Variants in SOX6 observed in about 807,000 individuals in gnomAD.
The protein encoded by SOX6 is transcription factor SOX-6.
Under a neutral mutation model 97.8 loss-of-function variants are expected in SOX6, and 11 were observed. The observed-to-expected ratio is 0.11, with a 90% CI of 0.07 to 0.19. The LOEUF (loss-of-function observed/expected upper bound fraction) is 0.19, where lower values mean the gene tolerates loss of function less well. Among genes scored for constraint, SOX6 ranks in the 10% least tolerant of loss-of-function variants. The pLI is 1.00. For synonymous variants in SOX6, 360 were observed against 371.4 expected (o/e 0.97, Z 0.35); for missense variants, 810 against 1,039.5 (o/e 0.78, Z 3.04).
At chr11:16,024,535 T>C (rs1855163227) in intron 12 of SOX6, among the ~76,000 whole-genome samples, 1 of 151,474 alleles carries the variant, frequency 6.6e-6, no homozygotes. Context: ...TCTATGATTC[T>C]TCAAAAGTTG....
chr11:16,537,401 C>T (rs922702149), intron 4 of SOX6, among the ~76,000 whole-genome samples: 9 of 152,002 alleles, frequency 5.9e-5, no homozygotes, highest in Non-Finnish European at 1.3e-4. Flanking sequence ...ACTCCAAAAA[C>T]CAGAGCACTT....
At chr11:15,978,805 C>A (rs1398758269) in intron 15 of SOX6, among the ~76,000 whole-genome samples, 3 of 131,564 alleles carry the variant, frequency 2.3e-5, no homozygotes, top group Admixed American at 7.9e-5. Context: ...AAATATATAT[C>A]TATATATAAT....
intron 2 of SOX6, among the ~76,000 whole-genome samples, chr11:16,717,034 T>C (rs1446067783): frequency 6.6e-6 from 1 of 152,150 alleles, no homozygotes; most frequent in Admixed American, 6.5e-5. Flanking sequence ...TATACTTTTC[T>C]GTATGTCTAT....
chr11:16,189,161 G>A (rs1450895497), intron 4 of SOX6, among the ~76,000 whole-genome samples: 1 of 152,174 alleles, frequency 6.6e-6, no homozygotes, highest in African/African-American at 2.4e-5. Flanking sequence ...TAAGACAAAT[G>A]TTCTGTGGGA....
At chr11:16,518,117 C>G (rs893956786) in intron 4 of SOX6, among the ~76,000 whole-genome samples, 33 of 152,170 alleles carry the variant, frequency 2.2e-4, no homozygotes, top group Non-Finnish European at 4.1e-4. Flanking sequence ...ACACATAAAG[C>G]CTGAAATCTT....
chr11:16,694,460 C>A (rs1848038309), intron 3 of SOX6, among the ~76,000 whole-genome samples: 1 of 152,042 alleles, frequency 6.6e-6, no homozygotes, highest in Non-Finnish European at 1.5e-5. Flanking sequence ...GAGTTTGAGG[C>A]TACAGTGAGC....
chr11:16,307,423 C>A (rs10219384), intron 3 of SOX6, among the ~76,000 whole-genome samples: 1 of 152,028 alleles, frequency 6.6e-6, no homozygotes, highest in Admixed American at 6.6e-5. Flanking sequence ...GGACTATGTA[C>A]ATTGGGCACA....
intron 3 of SOX6, among the ~76,000 whole-genome samples, chr11:16,251,790 G>C (rs1853520099): frequency 6.6e-6 from 1 of 152,004 alleles, no homozygotes; most frequent in African/African-American, 2.4e-5. Context: ...CATAATCATA[G>C]ATGCAAAAAT....
intron 3 of SOX6, among the ~76,000 whole-genome samples, chr11:16,669,391 C>G (rs879051068): frequency 2.6e-5 from 4 of 152,216 alleles, no homozygotes; most frequent in Non-Finnish European, 4.4e-5. Context: ...GAACCTCCCC[C>G]ACCCAGGGAA....
At chr11:16,092,567 C>T (rs1848715340) in intron 9 of SOX6, among the ~76,000 whole-genome samples, 1 of 152,006 alleles carries the variant, frequency 6.6e-6, no homozygotes, top group African/African-American at 2.4e-5. Flanking sequence ...TAAAATAATA[C>T]ATTACCAATA....
chr11:16,717,940 T>C (rs540064141), intron 2 of SOX6, among the ~76,000 whole-genome samples: 1 of 145,244 alleles, frequency 6.9e-6, no homozygotes, highest in South Asian at 2.3e-4. Flanking sequence ...ATAACTGTTC[T>C]TTTCCTGTTT....
intron 9 of SOX6, among the ~76,000 whole-genome samples, chr11:16,086,507 T>C (rs555441423): frequency 6.6e-6 from 1 of 152,318 alleles, no homozygotes; most frequent in East Asian, 1.9e-4. Context: ...CAGCTCCTAA[T>C]GCAGCAGGCG....
chr11:16,370,405 T>C (rs539747471), intron 1 of SOX6, among the ~76,000 whole-genome samples: 2 of 152,174 alleles, frequency 1.3e-5, no homozygotes, highest in African/African-American at 2.4e-5. Context: ...GACCAAAAGA[T>C]TGACAGCAGA....
At chr11:16,092,487 G>T (rs1848713825) in intron 9 of SOX6, among the ~76,000 whole-genome samples, 1 of 151,864 alleles carries the variant, frequency 6.6e-6, no homozygotes. Flanking sequence ...CTTCAATAAA[G>T]TGATTTTTAA....
At chr11:16,597,014 A>G (rs181596494) in intron 4 of SOX6, among the ~76,000 whole-genome samples, 7 of 152,284 alleles carry the variant, frequency 4.6e-5, no homozygotes, top group Admixed American at 6.5e-5. Flanking sequence ...AGCCAGTTCT[A>G]ACTTATGACA....
intron 3 of SOX6, among the ~76,000 whole-genome samples, chr11:16,279,517 T>C (rs998713237): frequency 6.6e-6 from 1 of 152,116 alleles, no homozygotes; most frequent in Non-Finnish European, 1.5e-5. Context: ...TGTTGCAGCA[T>C]GTATTTGAAT....
intron 3 of SOX6, among the ~76,000 whole-genome samples, chr11:16,296,841 A>G (rs1046376488): frequency 2.6e-5 from 4 of 152,068 alleles, no homozygotes; most frequent in African/African-American, 4.8e-5. Flanking sequence ...ATTACTGGGT[A>G]ATGTTATGGG....
chr11:16,579,938 C>T (rs1848017346), intron 4 of SOX6, among the ~76,000 whole-genome samples: 1 of 152,120 alleles, frequency 6.6e-6, no homozygotes. Flanking sequence ...TATTTACCCT[C>T]ACCAACACGC....
chr11:15,980,633 T>TA (rs1398721319), intron 15 of SOX6, among the ~76,000 whole-genome samples: 6 of 152,024 alleles, frequency 3.9e-5, no homozygotes, highest in Non-Finnish European at 8.8e-5. Context: ...TTCTTTTTTT[T>TA]ACTATTGAAT....
Sources: gnomAD v4.1 joint callset for allele counts (sites outside exome capture counted in the v4.1 genomes callset) on GRCh38, gnomAD v4.1.1 for gene constraint, MANE v1.5 for transcripts, NCBI Gene and HGNC (gene_info 2026-07-23, HGNC 2026-07-21) for gene names.